FRMD4B: variants seen among roughly 807,000 people sequenced by gnomAD.
The protein encoded by FRMD4B is FERM domain containing 4B.
FRMD4B carries 74 observed loss-of-function variants against 141.5 expected under a neutral mutation model. The observed-to-expected ratio is 0.52, with a 90% CI of 0.43 to 0.63. The LOEUF (loss-of-function observed/expected upper bound fraction) is 0.63, where lower values mean the gene tolerates loss of function less well. FRMD4B is among the 30% of genes least tolerant of loss of function. The pLI is 0.00. For synonymous variants in FRMD4B, 506 were observed against 467.9 expected (o/e 1.08, Z -1.05); for missense variants, 1,366 against 1,253.4 (o/e 1.09, Z -1.36).
intron 1 of FRMD4B, among the ~76,000 whole-genome samples, chr3:69,318,216 C>A (rs1013780704): frequency 6.6e-6 from 1 of 152,136 alleles, no homozygotes; most frequent in Non-Finnish European, 1.5e-5. Flanking sequence ...CTCAAGCAAC[C>A]TGCCCGCCTT....
intron 1 of FRMD4B, among the ~76,000 whole-genome samples, chr3:69,381,507 A>G (rs1704118293): frequency 6.6e-6 from 1 of 152,214 alleles, no homozygotes; most frequent in South Asian, 2.1e-4. Flanking sequence ...TAGAAGCAAG[A>G]AAAATGACAC....
At chr3:69,511,634 G>A (rs1212424821) in intron 1 of FRMD4B, among the ~76,000 whole-genome samples, 1 of 152,168 alleles carries the variant, frequency 6.6e-6, no homozygotes, top group East Asian at 1.9e-4. Flanking sequence ...ATCAGACGCA[G>A]AACTTGTCTA....
At chr3:69,172,070 G>GAGTTATTAAGTTATTAAGTTATTA (rs2092593504) in intron 22 of FRMD4B, 89 bp from the exon 23 acceptor site, 2 of 1,281,342 alleles carry the variant, frequency 1.6e-6, no homozygotes, top group African/African-American at 3.0e-5. Context: ...AAGTTAGTAG[G>GAGTTATTAAGTTATTAAGTTATTA]AAGCACTGTT....
chr3:69,408,785 T>G (rs1036498842), intron 2 of FRMD4B, among the ~76,000 whole-genome samples: 5 of 151,632 alleles, frequency 3.3e-5, no homozygotes, highest in African/African-American at 1.2e-4. Flanking sequence ...ATGGCGCCAG[T>G]GGGAGGAATT....
At chr3:69,483,420 C>A (rs905026957) in intron 1 of FRMD4B, among the ~76,000 whole-genome samples, 1 of 152,184 alleles carries the variant, frequency 6.6e-6, no homozygotes, top group Non-Finnish European at 1.5e-5. Context: ...GATTTAGAAT[C>A]CCATAGAGGT....
chr3:69,516,033 T>C (rs570329946), intron 1 of FRMD4B, among the ~76,000 whole-genome samples: 98 of 152,098 alleles, frequency 6.4e-4, no homozygotes, highest in Non-Finnish European at 1.1e-3. Flanking sequence ...AAGACCAGCC[T>C]GGGCAACAAA....
At chr3:69,500,214 A>G (rs1331610060) in intron 1 of FRMD4B, among the ~76,000 whole-genome samples, 1 of 152,250 alleles carries the variant, frequency 6.6e-6, no homozygotes, top group Non-Finnish European at 1.5e-5. Context: ...AGTTGGCTTC[A>G]GACAAGAGAC....
intron 3 of FRMD4B, among the ~76,000 whole-genome samples, chr3:69,307,475 G>C (rs185632664): frequency 0.013 from 1,994 of 151,888 alleles, 18 homozygotes; most frequent in Non-Finnish European, 0.021. Flanking sequence ...TGAGTAGCTG[G>C]GATTACAGGC....
At chr3:69,180,807 A>G in intron 21 of FRMD4B, 92 bp downstream of exon 21, 2 of 830,420 alleles carry the variant, frequency 2.4e-6, no homozygotes, top group Non-Finnish European at 3.9e-6. Context: ...GACCCTGAGT[A>G]CTGGTCTCAT....
chr3:69,386,093 G>A, upstream of FRMD4B: 3 of 1,081,806 alleles, frequency 2.8e-6, no homozygotes, highest in East Asian at 3.1e-5. Context: ...TCTGCTGGCA[G>A]CCGGGGGGTC....
intron 2 of FRMD4B, among the ~76,000 whole-genome samples, chr3:69,416,776 C>T (rs1704872371): frequency 6.6e-6 from 1 of 152,176 alleles, no homozygotes; most frequent in East Asian, 1.9e-4. Flanking sequence ...TGTTCAGCTC[C>T]TACTTATGAG....
chr3:69,466,426 G>C (rs1705787466), intron 1 of FRMD4B, among the ~76,000 whole-genome samples: 1 of 151,998 alleles, frequency 6.6e-6, no homozygotes, highest in Admixed American at 6.6e-5. Flanking sequence ...AAATGTTAAA[G>C]GTATGAGATT....
chr3:69,280,815 C>T (rs1301454534), intron 5 of FRMD4B, among the ~76,000 whole-genome samples: 2 of 151,758 alleles, frequency 1.3e-5, no homozygotes, highest in African/African-American at 2.4e-5. Flanking sequence ...AGATGGAGTT[C>T]ACTATGTTGC....
chr3:69,203,000 T>C (rs1266391601), intron 11 of FRMD4B, among the ~76,000 whole-genome samples: 9 of 150,450 alleles, frequency 6.0e-5, no homozygotes, highest in Non-Finnish European at 1.3e-4. Context: ...ACACAGAAAA[T>C]CATGGTGGAA....
At chr3:69,418,469 G>A (rs1210998825) in intron 2 of FRMD4B, among the ~76,000 whole-genome samples, 1 of 152,104 alleles carries the variant, frequency 6.6e-6, no homozygotes, top group Non-Finnish European at 1.5e-5. Flanking sequence ...TCACTCCTCT[G>A]ATTAACTCAC....
intron 2 of FRMD4B, among the ~76,000 whole-genome samples, chr3:69,426,522 G>C (rs1190869120): frequency 1.3e-5 from 2 of 152,168 alleles, no homozygotes; most frequent in African/African-American, 2.4e-5. Flanking sequence ...GACCCGTTCT[G>C]AGTTCTACAA....
intron 10 of FRMD4B, 66 bp downstream of exon 10, chr3:69,218,256 A>G: frequency 1.3e-6 from 1 of 793,114 alleles, no homozygotes; most frequent in Non-Finnish European, 2.1e-6. Context: ...ATATAGTATG[A>G]AAAAAGCTGG....
intron 1 of FRMD4B, among the ~76,000 whole-genome samples, chr3:69,377,578 G>C (rs67863320): frequency 1.3e-5 from 2 of 152,076 alleles, no homozygotes; most frequent in African/African-American, 4.8e-5. Context: ...TCTCAAACCC[G>C]TCTGGAAATC....
At chr3:69,318,819 A>G (rs1288169374) in intron 1 of FRMD4B, among the ~76,000 whole-genome samples, 1 of 152,230 alleles carries the variant, frequency 6.6e-6, no homozygotes, top group Non-Finnish European at 1.5e-5. Flanking sequence ...GACAAATGGT[A>G]AGACCTGGAA....
Sources: allele counts gnomAD v4.1 joint callset (sites outside exome capture counted in the v4.1 genomes callset), GRCh38; gene constraint gnomAD v4.1.1; transcripts MANE v1.5; gene names NCBI Gene and HGNC (gene_info 2026-07-23, HGNC 2026-07-21).